The following MYOZ3 variants were observed in gnomAD, a reference collection of about 807,000 sequenced individuals.
The protein encoded by MYOZ3 is myozenin 3, also known as myozenin-3.
MYOZ3 carries 19 observed loss-of-function variants against 26.5 expected under a neutral mutation model. That is an observed-to-expected ratio of 0.72 (90% CI 0.50 to 1.05). The LOEUF is 1.05. Ranked by LOEUF, MYOZ3 falls within the 50% of genes least tolerant of loss-of-function variation. MYOZ3 has a pLI of 0.00. For synonymous variants in MYOZ3, 135 were observed against 138.8 expected (o/e 0.97, Z 0.19); for missense variants, 322 against 337.1 (o/e 0.96, Z 0.35).
At position 150,676,733 on chromosome 5, in the gene MYOZ3, T is replaced by C; in HGVS notation, c.614T>C (p.Leu205Pro). ...NKTPVPFGGPLVGGTFPRPGT... is the reference protein window; with the variant it reads ...NKTPVPFGGPPVGGTFPRPGT... The stretch of plus-strand genomic sequence containing the variant: ...ACCCCGGTGCCATTTGGAGGACCCC[T>C]CGTGGGGGGCACTTTTCCCAGGCCA... Residue 205 changes from leucine (L) to proline (P), a missense_variant, in exon 7 of 7, where the codon CTC becomes CCC. Transcript: ENST00000517768. 1 of 1,613,900 alleles carries C rather than the reference T, an allele frequency of 6.2e-7. No homozygotes were observed.
chr5:150,672,413 C>G lies in MYOZ3; in HGVS notation c.498C>G (p.Cys166Trp). 6.2e-7 allele frequency: 1 copy of G among 1,613,668 alleles called. No homozygotes were observed. The highest frequency in any genetic ancestry group is 8.5e-7 in the Non-Finnish European group (1 of 1,179,798). ...NHTAISKGYR[C>W]PWQEFVSYRD... ...CCGCCATCTCCAAGGGCTACCGCTG[C>G]CCTTGGCAGGAGTTCGTCAGCTACC... is the stretch of plus-strand genomic sequence containing the variant. The change falls in exon 6 of 7, where the codon TGC becomes TGG. Residue 166 changes from cysteine to tryptophan, a missense_variant. Transcript: ENST00000517768.
rs1225832285 is a variant in MYOZ3 at position 150,666,613 on chromosome 5, CAAA to C, written c.61+3627_61+3629del. Among the ~76,000 whole-genome samples, 620 of 104,240 alleles carry C rather than the reference CAAA, an allele frequency of 5.9e-3. 12 individuals are homozygous for C. The East Asian group carries it at 0.1, about 17-fold the overall frequency. 68.4% of individuals were successfully genotyped at this position (104,240 alleles called of 152,430 possible). ...TGGGCAACAGAGCAAGACTCTGTCT[CAAA>C]AAAAAAAAAAAAAAATATATATATA... On this transcript the variant is annotated intron_variant, in intron 2 of 6. Transcript: ENST00000517768.
Position 150,662,957 on chromosome 5 carries a change from C to A in MYOZ3, c.16C>A (p.Gln6Lys), listed in dbSNP as rs1292638668. The change falls in exon 2 of 7, where the codon CAG becomes AAG. Residue 6 changes from glutamine to lysine, a missense_variant. Coordinates refer to ENST00000517768, the MANE Select transcript of MYOZ3 (RefSeq NM_001122853.3). ...CCTCCACAGGATGATCCCCAAGGAG[C>A]AGAAGGGGCCAGTGATGGCTGCCAT... MIPKE[Q>K]KGPVMAAMGD... 6.2e-7 allele frequency: 1 copy of A among 1,611,774 alleles called. No individual in the cohort carries two copies. The highest frequency in any genetic ancestry group is 8.5e-7 in the Non-Finnish European group (1 of 1,179,026).
intron 5 of MYOZ3, 196 bp downstream of exon 5, chr5:150,672,104 G>GCCAAGA: frequency 9.2e-7 from 1 of 1,090,340 alleles, no homozygotes; most frequent in Non-Finnish European, 1.3e-6. Context: ...GTCAGCCAAG[G>GCCAAGA]CCAAGACCAA....
chr5:150,667,482 C>T (rs1444733477), intron 2 of MYOZ3, among the ~76,000 whole-genome samples: 2 of 152,214 alleles, frequency 1.3e-5, no homozygotes, highest in Non-Finnish European at 2.9e-5. Flanking sequence ...CTCATACCTG[C>T]CTGGTGCCAA....
At chr5:150,676,561 AAAG>A in intron 6 of MYOZ3, 143 bp from the exon 7 acceptor site, 1 of 704,822 alleles carries the variant, frequency 1.4e-6, no homozygotes. Context: ...AAAAAAAAAA[AAAG>A]ATGTACAGAA....
intron 2 of MYOZ3, 157 bp from the exon 3 acceptor site, chr5:150,670,327 C>A: frequency 1.3e-6 from 1 of 763,678 alleles, no homozygotes; most frequent in Non-Finnish European, 1.9e-6. Context: ...TTTTGCCCAT[C>A]AGGTGGGCAA....
chr5:150,672,071 C>G (rs1032518343), intron 5 of MYOZ3, 163 bp downstream of exon 5: 24 of 1,200,022 alleles, frequency 2.0e-5, no homozygotes, highest in Non-Finnish European at 2.8e-5. Context: ...CGGAGGGGCG[C>G]CGCGCCCCAG....
intron 2 of MYOZ3, among the ~76,000 whole-genome samples, chr5:150,665,714 C>A (rs1203713841): frequency 6.6e-6 from 1 of 151,962 alleles, no homozygotes; most frequent in Non-Finnish European, 1.5e-5. Context: ...TAGTTGTGAG[C>A]CACTGTGCCT....
At position 150,672,405 on chromosome 5, in the gene MYOZ3, T is replaced by C. The variant is rs755178638; in HGVS notation, c.490T>C (p.Tyr164His). Residue 164 changes from tyrosine to histidine, a missense_variant, in exon 6 of 7, where the codon TAC becomes CAC. Coordinates refer to ENST00000517768, the MANE Select transcript of MYOZ3 (RefSeq NM_001122853.3). Reference sequence around the variant, plus strand: ...CAACCACACCGCCATCTCCAAGGGCTACCGCTGCCCTTGGCAGGAGTTCGT... The same window carrying C: ...CAACCACACCGCCATCTCCAAGGGCCACCGCTGCCCTTGGCAGGAGTTCGT... ...KFNHTAISKG[Y>H]RCPWQEFVSY... 3.1e-6 allele frequency: 5 copies of C among 1,613,486 alleles called. No homozygotes were observed. The African/African-American group carries it at 6.7e-5, about 22-fold the overall frequency.
At chr5:150,670,329 G>A (rs1758881624) in intron 2 of MYOZ3, 155 bp from the exon 3 acceptor site, 1 of 804,328 alleles carries the variant, frequency 1.2e-6, no homozygotes, top group African/African-American at 1.8e-5. Context: ...TTGCCCATCA[G>A]GTGGGCAAAG....
rs1178424689 is a variant in MYOZ3, at chr5:150,675,106, C to G, written c.588-1601C>G. On this transcript the variant is annotated intron_variant, in intron 6 of 6. Coordinates refer to ENST00000517768, the MANE Select transcript of MYOZ3 (RefSeq NM_001122853.3). ...TGTTAGGCAAATAAATGTAGAGCCC[C>G]TTTGCTCACCATCCTCCAATCCCAG... is the stretch of plus-strand genomic sequence containing the variant. Among the ~76,000 whole-genome samples the G allele has an allele frequency of 4.6e-5, 7 of 152,292 alleles. 1 individual carries two copies. The East Asian group carries it at 7.7e-4, about 17-fold the overall frequency.
At chr5:150,667,260 C>T (rs1758825042) in intron 2 of MYOZ3, among the ~76,000 whole-genome samples, 1 of 152,178 alleles carries the variant, frequency 6.6e-6, no homozygotes, top group African/African-American at 2.4e-5. Context: ...TCATGCTACT[C>T]TCTTAATGAC....
At chr5:150,667,361 T>C (rs1187500094) in intron 2 of MYOZ3, among the ~76,000 whole-genome samples, 1 of 152,114 alleles carries the variant, frequency 6.6e-6, no homozygotes, top group African/African-American at 2.4e-5. Context: ...CTGAGAAAAA[T>C]AGAGTAACCA....
At chr5:150,671,399 T>G in intron 3 of MYOZ3, 198 bp from the exon 4 acceptor site, 1 of 611,768 alleles carries the variant, frequency 1.6e-6, no homozygotes, top group South Asian at 2.1e-5. Context: ...GGCATTACAA[T>G]AGCAATTAAC....
intron 6 of MYOZ3, among the ~76,000 whole-genome samples, chr5:150,675,079 A>C (rs1248400862): frequency 6.6e-6 from 1 of 152,216 alleles, no homozygotes; most frequent in Non-Finnish European, 1.5e-5. Context: ...TCTTTTAAAA[A>C]ATGTTAGGCA....
Position 150,678,076 on chromosome 5 carries a change from T to A in MYOZ3, c.*1201T>A, listed in dbSNP as rs1439871879. On this transcript the variant is annotated 3_prime_UTR_variant, in exon 7 of 7. Transcript: ENST00000517768. ...CTTCACTAAGGAAATGGGGAAGGTT[T>A]TAGTGATGGGTCTTGCTGGGTGCTG... The A allele has an allele frequency of 1.3e-5, 2 of 152,450 alleles. No individual in the cohort carries two copies. The highest frequency in any genetic ancestry group is 4.8e-5 in the African/African-American group (2 of 41,346). The allele number at this position is 152,450 out of a possible 1,614,324, so 9.4% of individuals were successfully genotyped here. A position where few individuals can be genotyped will look rare whatever the true frequency, so the allele number is the denominator to read the frequency against.
At position 150,677,068 on chromosome 5, in the gene MYOZ3, A is replaced by C; in HGVS notation, c.*193A>C. 1 of 581,560 alleles carries C rather than the reference A, an allele frequency of 1.7e-6. No homozygotes were observed. The highest frequency in any genetic ancestry group is 3.0e-6 in the Non-Finnish European group (1 of 329,618). 36.0% of individuals were successfully genotyped at this position (581,560 alleles called of 1,614,324 possible). On this transcript the variant is annotated 3_prime_UTR_variant, in exon 7 of 7. Coordinates refer to ENST00000517768, the MANE Select transcript of MYOZ3 (RefSeq NM_001122853.3). ...CAAAATTACCTGGGGATGTTGTTCCAAATCCAGACAACTGGACTGTCCCAG... is the reference window on the plus strand; with the variant it reads ...CAAAATTACCTGGGGATGTTGTTCCCAATCCAGACAACTGGACTGTCCCAG...
intron 6 of MYOZ3, among the ~76,000 whole-genome samples, chr5:150,675,962 C>T (rs1758999176): frequency 1.3e-5 from 2 of 152,208 alleles, no homozygotes. Flanking sequence ...GCCATCTCAC[C>T]AACTTTGCCC....
Sources: allele counts gnomAD v4.1 joint callset (sites outside exome capture counted in the v4.1 genomes callset), GRCh38; gene constraint gnomAD v4.1.1; transcripts MANE v1.5; gene names NCBI Gene and HGNC (gene_info 2026-07-23, HGNC 2026-07-21).